Variants in TTC8 observed in about 807,000 individuals in gnomAD.
TTC8 encodes the protein tetratricopeptide repeat domain 8.
In TTC8, 47 loss-of-function variants were observed where a neutral mutation model predicts 72.5. The ratio of observed to expected loss-of-function variants is 0.65; its 90% CI spans 0.51 to 0.83. The LOEUF is 0.83. TTC8 is among the 40% of genes least tolerant of loss of function. The pLI is 0.00. For synonymous variants in TTC8, 199 were observed against 221.4 expected, an observed-to-expected ratio of 0.90 and a Z score of 0.90; for missense variants, 611 against 623.2, an observed-to-expected ratio of 0.98 and a Z score of 0.21.
At chr14:88,863,182 C>T (rs2094896226) in intron 10 of TTC8, among the ~76,000 whole-genome samples, 1 of 151,984 alleles carries the variant, frequency 6.6e-6, no homozygotes, top group South Asian at 2.1e-4. Flanking sequence ...TAATTATCTC[C>T]AGAAAGATGG....
At chr14:88,834,919 C>T (rs1300630723) in intron 2 of TTC8, among the ~76,000 whole-genome samples, 1 of 152,138 alleles carries the variant, frequency 6.6e-6, no homozygotes, top group Non-Finnish European at 1.5e-5. Context: ...TTTTCCTGTT[C>T]TGTTTGTATA....
intron 14 of TTC8, 67 bp downstream of exon 14, chr14:88,875,176 A>C: frequency 7.2e-7 from 1 of 1,381,890 alleles, no homozygotes; most frequent in Non-Finnish European, 1.0e-6. Context: ...TAAAAAAAGT[A>C]CAAATAAATG....
Position 88,871,378 on chromosome 14 carries a change from T to C in TTC8, c.1050-171T>C, listed in dbSNP as rs1403678152. On this transcript the variant is annotated intron_variant, in intron 11 of 14. Transcript: ENST00000380656. The surrounding 1 kb of genome is among the most constrained non-coding windows in gnomAD (Gnocchi z 4.1). ...AGTACCATTATGAAAGAGAGGTGTTTGTATTTGCTTTAAACATTTTTTCAT... is the reference window on the plus strand; with the variant it reads ...AGTACCATTATGAAAGAGAGGTGTTCGTATTTGCTTTAAACATTTTTTCAT... Among the ~76,000 whole-genome samples, 3 of 152,214 alleles carry C rather than the reference T, an allele frequency of 2.0e-5. No individual in the cohort carries two copies. The highest frequency in any genetic ancestry group is 7.2e-5 in the African/African-American group (3 of 41,456).
At position 88,825,978 on chromosome 14, in the gene TTC8, T is replaced by A. The variant is rs531237724; in HGVS notation, c.114+1157T>A. On this transcript the variant is annotated intron_variant, in intron 1 of 14. Transcript: ENST00000380656. ...TTTTCCAAGGTTTTTTTAAATTTTT[T>A]TTATTTTTTTTTATTTTTTTTTGAG... 5.9e-5 allele frequency among the ~76,000 whole-genome samples: 9 copies of A among 151,502 alleles called. No homozygotes were observed. The South Asian group carries it at 1.5e-3, about 24-fold the overall frequency.
At chr14:88,857,853 A>G (rs1455191452) in intron 9 of TTC8, among the ~76,000 whole-genome samples, 3 of 152,162 alleles carry the variant, frequency 2.0e-5, no homozygotes, top group African/African-American at 7.2e-5. Context: ...CTTGGTGGTT[A>G]GGAGTTAGCA....
chr14:88,879,651 C>CATCATTATTATTATT (rs968532644), downstream of TTC8: 6 of 141,172 alleles, frequency 4.3e-5, no homozygotes, highest in African/African-American at 1.6e-4. Context: ...CGTGTCACTA[C>CATCATTATTATTATT]ATTATTATTA....
chr14:88,874,970 G>C, intron 13 of TTC8, 56 bp from the exon 14 acceptor site: 1 of 1,349,362 alleles, frequency 7.4e-7, no homozygotes, highest in Non-Finnish European at 1.0e-6. Flanking sequence ...CACAAATATG[G>C]TGCTGATATA....
At chr14:88,833,669 T>C (rs1376391870) in intron 1 of TTC8, 24 bp from the exon 2 acceptor site, 2 of 1,611,952 alleles carry the variant, frequency 1.2e-6, no homozygotes, top group Non-Finnish European at 1.7e-6. Context: ...TAAAACTGTT[T>C]ACTGCCTTCT....
intron 7 of TTC8, among the ~76,000 whole-genome samples, chr14:88,851,455 A>T (rs1180219443): frequency 6.6e-6 from 1 of 152,154 alleles, no homozygotes; most frequent in African/African-American, 2.4e-5. Context: ...AGACATAAAA[A>T]ATTTTTGCAT....
chr14:88,824,356 C>A (rs934070802), upstream of TTC8: 1 of 290,516 alleles, frequency 3.4e-6, no homozygotes, highest in South Asian at 3.9e-5. Flanking sequence ...GCAGGGCAGG[C>A]AGAGCATTCG....
chr14:88,828,692 CCT>C (rs1223086072), intron 1 of TTC8, among the ~76,000 whole-genome samples: 32 of 152,078 alleles, frequency 2.1e-4, no homozygotes, highest in Admixed American at 7.9e-4. Context: ...ATGAGAAAAA[CCT>C]CTCAAAAATG....
At chr14:88,861,378 T>A (rs1476154842) in intron 10 of TTC8, 46 bp downstream of exon 10, 1 of 1,401,456 alleles carries the variant, frequency 7.1e-7, no homozygotes, top group Non-Finnish European at 1.0e-6. Flanking sequence ...CACAATAGTT[T>A]TACATATTTT....
chr14:88,841,434 C>A lies in TTC8; in HGVS notation c.499C>A (p.Leu167Ile), dbSNP rs2094780978. Reference protein sequence around the residue: ...RFVRLGTASMLTSPDGPFINL... With the variant: ...RFVRLGTASMITSPDGPFINL... ...TGTTTTTCCTCTGTAGGCTTCCATGCTTACAAGTCCTGATGGACCATTTAT... is the reference window on the plus strand; with the variant it reads ...TGTTTTTCCTCTGTAGGCTTCCATGATTACAAGTCCTGATGGACCATTTAT... Residue 167 changes from leucine (L) to isoleucine (I), a missense_variant, in exon 6 of 15, where the codon CTT becomes ATT. Transcript: ENST00000380656. 2 of 1,613,556 alleles carry A rather than the reference C, an allele frequency of 1.2e-6. No individual in the cohort carries two copies. The highest frequency in any genetic ancestry group is 1.7e-6 in the Non-Finnish European group (2 of 1,179,800).
intron 10 of TTC8, among the ~76,000 whole-genome samples, chr14:88,862,538 CTCCATATATATATATATATATATATAT>C (rs2094890577): frequency 1.5e-5 from 1 of 68,852 alleles, no homozygotes; most frequent in African/African-American, 5.5e-5. Flanking sequence ...CTCTCTCTCT[CTCCATATATATATATATATATATATAT>C]ATATATATAT....
intron 1 of TTC8, among the ~76,000 whole-genome samples, chr14:88,831,487 C>T (rs1282620704): frequency 1.3e-5 from 2 of 152,206 alleles, no homozygotes; most frequent in Non-Finnish European, 2.9e-5. Context: ...CTGACTCACC[C>T]TGGAATTATT....
intron 1 of TTC8, chr14:88,830,766 A>G: frequency 2.3e-6 from 1 of 439,502 alleles, no homozygotes; most frequent in Non-Finnish European, 4.6e-6. Context: ...GGATTAATTT[A>G]AATCACAGAA....
Position 88,872,344 on chromosome 14 carries a change from AAAT to A in TTC8, c.1240_1242del (p.Asn414del). 6.2e-7 allele frequency: 1 copy of A among 1,613,850 alleles called. No individual in the cohort carries two copies. The highest frequency in any genetic ancestry group is 8.5e-7 in the Non-Finnish European group (1 of 1,179,848). On this transcript the variant is annotated inframe_deletion, in exon 13 of 15. Coordinates refer to ENST00000380656, the MANE Select transcript of TTC8 (RefSeq NM_144596.4). ...TTCTTTTGTAGGGAATAGGAGATAC[AAAT>A]TTGGCCCATCAGTGCTTCAGGCTGG...
chr14:88,869,839 A>G (rs1221762252), intron 10 of TTC8, among the ~76,000 whole-genome samples: 1 of 151,920 alleles, frequency 6.6e-6, no homozygotes, highest in East Asian at 1.9e-4. Context: ...CTTCTCTTAT[A>G]TTACATATTT....
intron 10 of TTC8, among the ~76,000 whole-genome samples, chr14:88,862,724 G>A (rs545507391): frequency 2.9e-4 from 43 of 148,390 alleles, no homozygotes; most frequent in African/African-American, 9.6e-4. Flanking sequence ...GGGACTACAG[G>A]CTTGTGCCCC....
Sources: gnomAD v4.1 joint callset for allele counts (sites outside exome capture counted in the v4.1 genomes callset) on GRCh38, gnomAD v4.1.1 for gene constraint, Gnocchi (gnomAD v3.1) non-coding constraint, MANE v1.5 for transcripts, NCBI Gene and HGNC (gene_info 2026-07-23, HGNC 2026-07-21) for gene names.